The following TMEM94 variants were observed in gnomAD, a reference collection of about 807,000 sequenced individuals.
TMEM94 encodes ER Mg2+ ATPase.
In TMEM94, 81 loss-of-function variants were observed where a neutral mutation model predicts 158.6. The ratio of observed to expected loss-of-function variants is 0.51; its 90% CI spans 0.43 to 0.61. The LOEUF (loss-of-function observed/expected upper bound fraction) is 0.61. Among genes scored for constraint, TMEM94 ranks in the 20% least tolerant of loss-of-function variants. The pLI is 0.00. For synonymous variants in TMEM94, 751 were observed against 730.7 expected (o/e 1.03, Z -0.45); for missense variants, 1,435 against 1,762.0 (o/e 0.81, Z 3.32).
intron 2 of TMEM94, among the ~76,000 whole-genome samples, chr17:75,477,445 C>T (rs1399984587): frequency 2.0e-5 from 3 of 152,084 alleles, no homozygotes; most frequent in African/African-American, 7.2e-5. Flanking sequence ...AATGGAGTCT[C>T]ACTATGTTGC....
At chr17:75,483,759 A>C (rs1241961798) in intron 2 of TMEM94, among the ~76,000 whole-genome samples, 1 of 151,864 alleles carries the variant, frequency 6.6e-6, no homozygotes, top group African/African-American at 2.4e-5. Flanking sequence ...GTTCGGCCCG[A>C]GTTCAGGTTT....
intron 6 of TMEM94, among the ~76,000 whole-genome samples, chr17:75,488,339 C>T (rs552762895): frequency 8.5e-5 from 13 of 152,272 alleles, no homozygotes; most frequent in African/African-American, 2.4e-4. Context: ...TGCAGTGGCA[C>T]GATCTCAACT....
In TMEM94 at chr17:75,487,425, C is replaced by A. The variant is rs1464845433; in HGVS notation, c.410-507C>A. On this transcript the variant is annotated intron_variant, in intron 5 of 31. Coordinates refer to ENST00000314256, the MANE Select transcript of TMEM94 (RefSeq NM_014738.6). This position sits in a 1 kb window ranked among gnomAD's most constrained non-coding sequence, Gnocchi z 4.6. Reference sequence around the variant, plus strand: ...ATCTCCAGCTGACAAAACCATTCTTCCAGGCCCATCCCCAGTGCTTCCTCT... The same window carrying A: ...ATCTCCAGCTGACAAAACCATTCTTACAGGCCCATCCCCAGTGCTTCCTCT... 1 of 160,962 alleles carries A rather than the reference C, an allele frequency of 6.2e-6. No homozygotes were observed. The highest frequency in any genetic ancestry group is 1.4e-5 in the Non-Finnish European group (1 of 73,336). The allele number at this position is 160,962 out of a possible 1,614,324, so 10.0% of individuals were successfully genotyped here.
In TMEM94 at chr17:75,493,052, G is replaced by C; in HGVS notation, c.2036G>C (p.Arg679Pro). The C allele has an allele frequency of 6.2e-7, 1 of 1,613,456 alleles. No homozygotes were observed. The highest frequency in any genetic ancestry group is 1.7e-5 in the Admixed American group (1 of 60,024). Residue 679 changes from arginine (R) to proline (P), a missense_variant, in exon 16 of 32, where the codon CGG becomes CCG. Arg to Pro is a moderately radical substitution (Grantham distance 103, BLOSUM62 -2). Around this residue, in one of 3 missense-constraint regions of TMEM94, gnomAD observed 1,051 missense variants for 1,254.4 expected, o/e 0.84. Coordinates refer to ENST00000314256, the MANE Select transcript of TMEM94 (RefSeq NM_014738.6). The stretch of plus-strand genomic sequence containing the variant: ...CGGCTCTCCTGTGTCACCAAGCGGC[G>C]GCCTCCCCTCAGCCACATGATCAGC... ...LGRLSCVTKR[R>P]PPLSHMISLF... is the part of the protein sequence containing the mutation.
In TMEM94 at chr17:75,499,045, G is replaced by A. The variant is rs776382676; in HGVS notation, c.3961G>A (p.Val1321Met). The change falls in exon 31 of 32, where the codon GTG (valine) becomes ATG (methionine). Residue 1321 changes from valine to methionine, a missense_variant. Transcript: ENST00000314256. Reference sequence around the variant, plus strand: ...GGGCTGCCTGTCCCTGGTCCTTGTGGTGGTGACCAATGAGATCGTGAAGCT... The same window carrying A: ...GGGCTGCCTGTCCCTGGTCCTTGTGATGGTGACCAATGAGATCGTGAAGCT... ...LLGCLSLVLV[V>M]VTNEIVKLHE... is the part of the protein sequence containing the mutation. 34 of 1,599,146 alleles carry A rather than the reference G, an allele frequency of 2.1e-5. No individual in the cohort carries two copies. Among genetic ancestry groups the A allele is most frequent in the Non-Finnish European group, 2.2e-5 (26 of 1,173,958 alleles).
chr17:75,498,052 G>A lies in TMEM94; in HGVS notation c.3490-123G>A. The A allele has an allele frequency of 7.4e-7, 1 of 1,350,978 alleles. No homozygotes were observed. The highest frequency in any genetic ancestry group is 1.9e-5 in the Admixed American group (1 of 52,726). 83.7% of individuals were successfully genotyped at this position (1,350,978 alleles called of 1,614,324 possible). On this transcript the variant is annotated intron_variant, in intron 27 of 31. Coordinates refer to ENST00000314256, the MANE Select transcript of TMEM94 (RefSeq NM_014738.6). The surrounding 1 kb of genome is among the most constrained non-coding windows in gnomAD (Gnocchi z 6.7). ...AGAGCTGGGAAAGACCCTTGCTGGG[G>A]CTTGAGCTCCCTATCCCCCCAGGCC...
At chr17:75,490,827 T>G (rs369531870) in intron 11 of TMEM94, 69 bp downstream of exon 11, 127 of 1,451,656 alleles carry the variant, frequency 8.7e-5, no homozygotes, top group Non-Finnish European at 1.2e-4. Flanking sequence ...CTCCCCTATT[T>G]ATGGCCTTAA....
chr17:75,486,169 C>A, intron 4 of TMEM94, 121 bp from the exon 5 acceptor site: 2 of 1,488,078 alleles, frequency 1.3e-6, no homozygotes, highest in Non-Finnish European at 1.8e-6. Context: ...GGTGTCAGGG[C>A]ACCAGAACGG....
rs765634985 is a variant in TMEM94 at position 75,491,934 on chromosome 17, C to T, written c.1596+34C>T. The T allele has an allele frequency of 6.3e-7, 1 of 1,578,664 alleles. No individual in the cohort carries two copies. The highest frequency in any genetic ancestry group is 8.6e-7 in the Non-Finnish European group (1 of 1,160,896). On this transcript the variant is annotated intron_variant, in intron 14 of 31. Coordinates refer to ENST00000314256, the MANE Select transcript of TMEM94 (RefSeq NM_014738.6). The surrounding 1 kb of genome is among the most constrained non-coding windows in gnomAD (Gnocchi z 5.1). ...AGGGGGTGGCACGGGGCAGCCACAC[C>T]CTCGGCCACAGGCTGTCCTGGCCTC...
At position 75,498,110 on chromosome 17, in the gene TMEM94, G is replaced by GA; in HGVS notation, c.3490-63dup. 6.3e-7 allele frequency: 1 copy of GA among 1,595,998 alleles called. No individual in the cohort carries two copies. On this transcript the variant is annotated intron_variant, in intron 27 of 31. Transcript: ENST00000314256. The surrounding 1 kb of genome is among the most constrained non-coding windows in gnomAD (Gnocchi z 6.7). ...TTACTAAGAGCCCGTTGAATACGTGGAAGAGCTAGGAGCAGCCGGCAGAGG... is the reference window on the plus strand; with the variant it reads ...TTACTAAGAGCCCGTTGAATACGTGGAAAGAGCTAGGAGCAGCCGGCAGAGG...
In TMEM94 at chr17:75,489,513, C is replaced by T. The variant is rs1190363086; in HGVS notation, c.868-63C>T. 18 of 1,520,532 alleles carry T rather than the reference C, an allele frequency of 1.2e-5. No individual in the cohort carries two copies. The highest frequency in any genetic ancestry group is 5.5e-5 in the African/African-American group (4 of 72,834). 94.2% of individuals were successfully genotyped at this position (1,520,532 alleles called of 1,614,324 possible). A position where few individuals can be genotyped will look rare whatever the true frequency, so the allele number is the denominator to read the frequency against. ...CTGTGGAGTAGCAAAGGAAGGGGAACGGCAGTGCCTGGGTCCCTCTAGAGG... is the reference window on the plus strand; with the variant it reads ...CTGTGGAGTAGCAAAGGAAGGGGAATGGCAGTGCCTGGGTCCCTCTAGAGG... On this transcript the variant is annotated intron_variant, in intron 8 of 31. Coordinates refer to ENST00000314256, the MANE Select transcript of TMEM94 (RefSeq NM_014738.6). This position sits in a 1 kb window ranked among gnomAD's most constrained non-coding sequence, Gnocchi z 5.0.
At position 75,499,394 on chromosome 17, in the gene TMEM94, C is replaced by T. The variant is rs1167824402; in HGVS notation, c.*60C>T. On this transcript the variant is annotated 3_prime_UTR_variant, in exon 32 of 32. Coordinates refer to ENST00000314256, the MANE Select transcript of TMEM94 (RefSeq NM_014738.6). ...CCTGGGGCTAAAGCCAGACCCATTTCTGAACAGGGGAGTTTGTATCATGAA... is the reference window on the plus strand; with the variant it reads ...CCTGGGGCTAAAGCCAGACCCATTTTTGAACAGGGGAGTTTGTATCATGAA... The T allele has an allele frequency of 6.7e-7, 1 of 1,481,942 alleles. No homozygotes were observed. The highest frequency in any genetic ancestry group is 1.1e-5 in the South Asian group (1 of 88,146). The allele number at this position is 1,481,942 out of a possible 1,614,324, so 91.8% of individuals were successfully genotyped here.
At chr17:75,476,958 C>G (rs535140878) in intron 2 of TMEM94, among the ~76,000 whole-genome samples, 2 of 152,102 alleles carry the variant, frequency 1.3e-5, no homozygotes, top group Non-Finnish European at 1.5e-5. Flanking sequence ...GCCAGGTGCC[C>G]GAGTCACCCA....
intron 1 of TMEM94, among the ~76,000 whole-genome samples, chr17:75,467,556 C>T (rs1412085395): frequency 3.9e-5 from 5 of 126,656 alleles, no homozygotes; most frequent in African/African-American, 6.0e-5. Flanking sequence ...GACGGAGTCT[C>T]GCTCTGTCGC....
intron 2 of TMEM94, chr17:75,476,609 C>T: frequency 1.3e-6 from 2 of 1,522,890 alleles, no homozygotes; most frequent in African/African-American, 1.4e-5. Context: ...TCTTCTCTCT[C>T]TCTCTCTTTT....
chr17:75,462,311 G>C (rs1311715847), intron 1 of TMEM94, among the ~76,000 whole-genome samples: 1 of 151,992 alleles, frequency 6.6e-6, no homozygotes, highest in Non-Finnish European at 1.5e-5. Flanking sequence ...AAAGTGCTGG[G>C]ATTACAGGCG....
At chr17:75,465,655 T>TATTTATATATATATATATATATA (rs9302993) in intron 1 of TMEM94, among the ~76,000 whole-genome samples, 8 of 98,876 alleles carry the variant, frequency 8.1e-5, no homozygotes, top group African/African-American at 4.2e-4. Flanking sequence ...ATAAGAATTT[T>TATTTATATATATATATATATATA]TATATATATA....
chr17:75,498,848 A>C lies in TMEM94; in HGVS notation c.3828-64A>C. The C allele has an allele frequency of 6.6e-7, 1 of 1,524,270 alleles. No homozygotes were observed. 94.4% of individuals were successfully genotyped at this position (1,524,270 alleles called of 1,614,324 possible). A position where few individuals can be genotyped will look rare whatever the true frequency, so the allele number is the denominator to read the frequency against. On this transcript the variant is annotated intron_variant, in intron 30 of 31. Coordinates refer to ENST00000314256, the MANE Select transcript of TMEM94 (RefSeq NM_014738.6). The surrounding 1 kb of genome is among the most constrained non-coding windows in gnomAD (Gnocchi z 6.7). ...GTACCCTGCCTGAGCTAACTGTTGT[A>C]CTGGGAAGAGCAGGGAAGGAAGCAA...
rs1567959235 is a variant in TMEM94, at chr17:75,491,789, G to T, written c.1485G>T (p.Lys495Asn). 1.2e-6 allele frequency: 2 copies of T among 1,614,026 alleles called. No individual in the cohort carries two copies. The highest frequency in any genetic ancestry group is 3.3e-5 in the Admixed American group (2 of 60,030). The change falls in exon 14 of 32, where the codon AAG becomes AAT. Residue 495 changes from lysine to asparagine, a missense_variant. Around this residue, in one of 3 missense-constraint regions of TMEM94, gnomAD observed 1,051 missense variants for 1,254.4 expected, o/e 0.84. Coordinates refer to ENST00000314256, the MANE Select transcript of TMEM94 (RefSeq NM_014738.6). The surrounding 1 kb of genome is among the most constrained non-coding windows in gnomAD (Gnocchi z 5.1). Reference sequence around the variant, plus strand: ...GCGACTGGCCTGGCGAGGCTCCCAAGCCCCCCGAGCCCTATTCACACCACA... The same window carrying T: ...GCGACTGGCCTGGCGAGGCTCCCAATCCCCCCGAGCCCTATTCACACCACA... ...ERGDWPGEAP[K>N]PPEPYSHHKA...
Sources: allele counts gnomAD v4.1 joint callset (sites outside exome capture counted in the v4.1 genomes callset), GRCh38; gene constraint gnomAD v4.1.1; regional missense constraint gnomAD v4.1.1; non-coding constraint Gnocchi (gnomAD v3.1); transcripts MANE v1.5; gene names NCBI Gene and HGNC (gene_info 2026-07-23, HGNC 2026-07-21).